PRKAA2: variants seen among roughly 807,000 people sequenced by gnomAD.
PRKAA2 encodes protein kinase AMP-activated catalytic subunit alpha 2.
Under a neutral mutation model 56.3 loss-of-function variants are expected in PRKAA2, and 40 were observed. The ratio of observed to expected loss-of-function variants is 0.71; its 90% CI spans 0.55 to 0.92. The LOEUF (loss-of-function observed/expected upper bound fraction) is 0.92. Ranked by LOEUF, PRKAA2 falls within the 40% of genes least tolerant of loss-of-function variation. PRKAA2 has a pLI of 0.00. For missense variants in PRKAA2, 542 were observed against 686.9 expected (o/e 0.79, Z 2.36); for synonymous variants, 214 against 234.2 (o/e 0.91, Z 0.79).
intron 7 of PRKAA2, among the ~76,000 whole-genome samples, chr1:56,705,189 CAAAT>C (rs1433563783): frequency 6.6e-6 from 1 of 151,936 alleles, no homozygotes; most frequent in Non-Finnish European, 1.5e-5. Flanking sequence ...TTGACGTGTT[CAAAT>C]AAATCAGTCA....
intron 2 of PRKAA2, among the ~76,000 whole-genome samples, chr1:56,681,178 T>C (rs1047122443): frequency 1.3e-5 from 2 of 152,254 alleles, no homozygotes; most frequent in Non-Finnish European, 2.9e-5. Context: ...TCTGTTCATA[T>C]CCTTCGCCCA....
chr1:56,692,290 G>T, intron 3 of PRKAA2, 68 bp from the exon 4 acceptor site: 1 of 1,589,654 alleles, frequency 6.3e-7, no homozygotes, highest in Non-Finnish European at 8.6e-7. Context: ...CCTTGGCTGG[G>T]ATTACAGGCA....
chr1:56,677,830 AT>A (rs1223297321), intron 2 of PRKAA2, among the ~76,000 whole-genome samples: 1 of 151,816 alleles, frequency 6.6e-6, no homozygotes, highest in Non-Finnish European at 1.5e-5. Context: ...CTAATTTTGT[AT>A]TTTTTGTAGA....
At chr1:56,662,471 C>T (rs1402762349) in intron 1 of PRKAA2, among the ~76,000 whole-genome samples, 3 of 152,086 alleles carry the variant, frequency 2.0e-5, no homozygotes, top group East Asian at 1.9e-4. Context: ...TAAATACAGA[C>T]GAGGTCTCAC....
At position 56,712,510 on chromosome 1, in the gene PRKAA2, A is replaced by T. The variant is rs1197821276; in HGVS notation, c.*4797A>T. The T allele has an allele frequency of 6.6e-6, 1 of 152,152 alleles. No homozygotes were observed. The highest frequency in any genetic ancestry group is 1.9e-4 in the East Asian group (1 of 5,192). 9.4% of individuals were successfully genotyped at this position (152,152 alleles called of 1,614,324 possible). A position where few individuals can be genotyped will look rare whatever the true frequency, so the allele number is the denominator to read the frequency against. On this transcript the variant is annotated 3_prime_UTR_variant, in exon 9 of 9. Coordinates refer to ENST00000371244, the MANE Select transcript of PRKAA2 (RefSeq NM_006252.4). ...AATGCTGAAGAAACTTTAAAACATG[A>T]TTCTTCTTATAATTTTATGTGATTC... is the stretch of plus-strand genomic sequence containing the variant.
intron 1 of PRKAA2, among the ~76,000 whole-genome samples, chr1:56,656,656 T>A (rs1338319655): frequency 6.6e-6 from 1 of 152,228 alleles, no homozygotes; most frequent in South Asian, 2.1e-4. Context: ...TATTTCTTGT[T>A]TGAGGCTTGT....
chr1:56,672,798 A>T (rs1233378627), intron 1 of PRKAA2, among the ~76,000 whole-genome samples: 1 of 152,202 alleles, frequency 6.6e-6, no homozygotes, highest in East Asian at 1.9e-4. Context: ...GGTGGAAACC[A>T]GATAGCTGTG....
chr1:56,669,833 G>A (rs1644062387), intron 1 of PRKAA2, among the ~76,000 whole-genome samples: 1 of 152,220 alleles, frequency 6.6e-6, no homozygotes, highest in South Asian at 2.1e-4. Context: ...GAGGCTTCAT[G>A]GATCAGACAA....
intron 2 of PRKAA2, among the ~76,000 whole-genome samples, chr1:56,681,018 T>A (rs1377223695): frequency 6.6e-6 from 1 of 152,234 alleles, no homozygotes; most frequent in Admixed American, 6.5e-5. Context: ...CTCCAGCACC[T>A]GTCGTTTCCT....
intron 2 of PRKAA2, among the ~76,000 whole-genome samples, chr1:56,678,170 A>G (rs942017593): frequency 6.6e-6 from 1 of 152,254 alleles, no homozygotes; most frequent in African/African-American, 2.4e-5. Context: ...TCCAGCCTTG[A>G]GATTAATTCA....
At chr1:56,659,260 C>T (rs1373663255) in intron 1 of PRKAA2, among the ~76,000 whole-genome samples, 13 of 150,756 alleles carry the variant, frequency 8.6e-5, no homozygotes, top group African/African-American at 2.2e-4. Context: ...TTAGGGAGGC[C>T]GAGGCAGGTG....
At chr1:56,654,961 A>G (rs1350310745) in intron 1 of PRKAA2, among the ~76,000 whole-genome samples, 1 of 151,428 alleles carries the variant, frequency 6.6e-6, no homozygotes, top group Non-Finnish European at 1.5e-5. Context: ...TATGTCTCTT[A>G]CTCTGAATGT....
At chr1:56,699,847 A>C (rs1644282504) in intron 6 of PRKAA2, among the ~76,000 whole-genome samples, 1 of 152,230 alleles carries the variant, frequency 6.6e-6, no homozygotes, top group Non-Finnish European at 1.5e-5. Context: ...GGAATCATAC[A>C]GTATGTGGTC....
At chr1:56,700,038 T>G (rs145814824) in intron 6 of PRKAA2, among the ~76,000 whole-genome samples, 7 of 152,368 alleles carry the variant, frequency 4.6e-5, no homozygotes, top group African/African-American at 1.7e-4. Flanking sequence ...TTATGACTAC[T>G]GTTTCCATGA....
rs376889616 is a variant in PRKAA2 at position 56,714,501 on chromosome 1, T to G, written c.*6788T>G. On this transcript the variant is annotated 3_prime_UTR_variant, in exon 9 of 9. Coordinates refer to ENST00000371244, the MANE Select transcript of PRKAA2 (RefSeq NM_006252.4). ...GATCACAGTTTCACAAATTGTGGTGTTGTTAGGTGACATTTAATATTTCTT... is the reference window on the plus strand; with the variant it reads ...GATCACAGTTTCACAAATTGTGGTGGTGTTAGGTGACATTTAATATTTCTT... The G allele has an allele frequency of 1.4e-4, 22 of 152,296 alleles. No homozygotes were observed. The highest frequency in any genetic ancestry group is 2.9e-4 in the African/African-American group (12 of 41,582). The allele number at this position is 152,296 out of a possible 1,614,324, so 9.4% of individuals were successfully genotyped here.
In PRKAA2 at chr1:56,655,281, T is replaced by TATATA. The variant is rs1553146924; in HGVS notation, c.94+9800_94+9801insATATA. 1.2e-4 allele frequency among the ~76,000 whole-genome samples: 9 copies of TATATA among 77,084 alleles called. No individual in the cohort carries two copies. In the East Asian group the frequency reaches 2.8e-3, roughly 24 times the overall value. 50.6% of individuals were successfully genotyped at this position (77,084 alleles called of 152,430 possible). On this transcript the variant is annotated intron_variant, in intron 1 of 8. Coordinates refer to ENST00000371244, the MANE Select transcript of PRKAA2 (RefSeq NM_006252.4). ...GTATTTATATATCTATATATATATATTTTTTTTTTTTTTTTGTAGAGACAG... is the reference window on the plus strand; with the variant it reads ...GTATTTATATATCTATATATATATATATATATTTTTTTTTTTTTTTGTAGAGACAG...
chr1:56,684,954 G>T (rs1481035669), intron 2 of PRKAA2, among the ~76,000 whole-genome samples: 1 of 152,156 alleles, frequency 6.6e-6, no homozygotes, highest in Non-Finnish European at 1.5e-5. Flanking sequence ...ACAAAAGAAA[G>T]AGGGGCTAAT....
rs866247120 is a variant in PRKAA2 at position 56,674,443 on chromosome 1, C to T, written c.157C>T (p.Arg53Cys). 1.1e-5 allele frequency: 18 copies of T among 1,577,354 alleles called. No individual in the cohort carries two copies. The highest frequency in any genetic ancestry group is 2.3e-5 in the East Asian group (1 of 42,632). Residue 53 changes from arginine (R) to cysteine (C), a missense_variant, in exon 2 of 9, where the codon CGC becomes TGC. Around this residue, in one of 5 missense-constraint regions of PRKAA2, gnomAD observed 121 missense variants for 210.0 expected, o/e 0.58. Transcript: ENST00000371244. ...AVKILNRQKIRSLDVVGKIKR... is the reference protein window; with the variant it reads ...AVKILNRQKICSLDVVGKIKR... ...TAAAATCTTAAATAGACAGAAGATT[C>T]GCAGTTTAGATGTTGTTGGAAAAAT...
intron 1 of PRKAA2, among the ~76,000 whole-genome samples, chr1:56,670,939 C>G (rs1293333950): frequency 6.6e-6 from 1 of 152,090 alleles, no homozygotes; most frequent in Non-Finnish European, 1.5e-5. Context: ...CCCCACCCCC[C>G]AAAACTTGGA....
Sources: allele counts gnomAD v4.1 joint callset (sites outside exome capture counted in the v4.1 genomes callset), GRCh38; gene constraint gnomAD v4.1.1; regional missense constraint gnomAD v4.1.1; transcripts MANE v1.5; gene names NCBI Gene and HGNC (gene_info 2026-07-23, HGNC 2026-07-21).